KDM5A: variants seen among roughly 807,000 people sequenced by gnomAD.
The protein encoded by KDM5A is lysine-specific demethylase 5A.
Under a neutral mutation model 193.5 loss-of-function variants are expected in KDM5A, and 42 were observed. That is an observed-to-expected ratio of 0.22 (90% CI 0.17 to 0.28). KDM5A has a LOEUF of 0.28. Among genes scored for constraint, KDM5A ranks in the 10% least tolerant of loss-of-function variants. The probability of loss-of-function intolerance (pLI) is 1.00; values close to 1 mark genes in which losing one functional copy is unlikely to be tolerated. For synonymous variants in KDM5A, 796 were observed against 718.1 expected (o/e 1.11, Z -1.73); for missense variants, 1,692 against 2,055.1 (o/e 0.82, Z 3.42).
At chr12:296,213 C>T (rs922387793) in intron 25 of KDM5A, among the ~76,000 whole-genome samples, 6 of 150,828 alleles carry the variant, frequency 4.0e-5, no homozygotes, top group African/African-American at 9.8e-5. Context: ...CCCAGCTACT[C>T]GGGAGGCTGA....
intron 27 of KDM5A, among the ~76,000 whole-genome samples, chr12:289,135 A>C (rs1435757501): frequency 6.6e-6 from 1 of 152,204 alleles, no homozygotes; most frequent in African/African-American, 2.4e-5. Context: ...TGGAAGTAGG[A>C]ATGGGTAAAG....
chr12:381,816 G>T (rs1337459277), intron 3 of KDM5A, among the ~76,000 whole-genome samples: 1 of 151,706 alleles, frequency 6.6e-6, no homozygotes, highest in Non-Finnish European at 1.5e-5. Flanking sequence ...TGGTTACTCT[G>T]TTTTTTTGGA....
intron 9 of KDM5A, among the ~76,000 whole-genome samples, chr12:350,984 T>C (rs780988678): frequency 2.6e-5 from 4 of 152,130 alleles, no homozygotes; most frequent in Non-Finnish European, 5.9e-5. Context: ...AAAAACATAA[T>C]GAACTGTGCT....
At chr12:315,293 G>C (rs945477149) in intron 19 of KDM5A, among the ~76,000 whole-genome samples, 9 of 152,202 alleles carry the variant, frequency 5.9e-5, no homozygotes, top group African/African-American at 1.9e-4. Flanking sequence ...AGGGTAAAAG[G>C]CTGGGCACAG....
chr12:309,822 G>A lies in KDM5A; in HGVS notation c.3359C>T (p.Thr1120Ile), dbSNP rs267603435. Residue 1120 changes from threonine (T) to isoleucine (I), a missense_variant, in exon 22 of 28, where the codon ACC (threonine) becomes ATC (isoleucine). Thr to Ile is a moderately conservative substitution (Grantham distance 89). This residue lies in a region of KDM5A where 965 missense variants were observed against 1,061.0 expected (regional missense o/e 0.91). Transcript: ENST00000399788. ...LSDLEEGLEE[T>I]RDTAMVVAVF... ...TCTTACCACCATGGCTGTATCTCTG[G>A]TTTCCTCCAATCCTTCCTCCAGATC... 3.7e-6 allele frequency: 6 copies of A among 1,613,956 alleles called. No individual in the cohort carries two copies. Among genetic ancestry groups the A allele is most frequent in the Non-Finnish European group, 4.2e-6 (5 of 1,180,012 alleles).
intron 10 of KDM5A, among the ~76,000 whole-genome samples, chr12:343,112 G>A (rs193078801): frequency 6.6e-6 from 1 of 152,334 alleles, no homozygotes; most frequent in African/African-American, 2.4e-5. Flanking sequence ...TGGCAGACAA[G>A]GTGATTCTCT....
rs1420922001 is a variant in KDM5A, at chr12:350,709, A to G, written c.1220T>C (p.Val407Ala). 2 of 1,614,028 alleles carry G rather than the reference A, an allele frequency of 1.2e-6. No homozygotes were observed. Among genetic ancestry groups the G allele is most frequent in the Non-Finnish European group, 1.7e-6 (2 of 1,179,950 alleles). Residue 407 changes from valine (V) to alanine (A), a missense_variant, in exon 10 of 28, where the codon GTG becomes GCG. Around this residue, in one of 11 missense-constraint regions of KDM5A, gnomAD observed 172 missense variants for 260.3 expected, o/e 0.66. Transcript: ENST00000399788. ...TGAGGAGATATCTGCTCCATATTCC[A>G]CAATAACATCTTCTTCAATGCTGCT... ...LVSSIEEDVI[V>A]EYGADISSKD...
intron 5 of KDM5A, among the ~76,000 whole-genome samples, chr12:357,827 CAAAAA>C (rs61577928): frequency 9.7e-4 from 29 of 29,866 alleles, no homozygotes; most frequent in African/African-American, 3.8e-3. Flanking sequence ...GACTCAGTCT[CAAAAA>C]AAAAAAAAAA....
At chr12:372,993 C>T (rs151213767) in intron 3 of KDM5A, among the ~76,000 whole-genome samples, 5,852 of 152,232 alleles carry the variant, frequency 0.038, 152 homozygotes, top group Non-Finnish European at 0.055. Context: ...ATTTGGTTTG[C>T]CAGTATTTTA....
At chr12:334,871 C>G (rs142493465) in intron 10 of KDM5A, among the ~76,000 whole-genome samples, 4 of 152,142 alleles carry the variant, frequency 2.6e-5, no homozygotes, top group African/African-American at 9.7e-5. Flanking sequence ...TGACATGATG[C>G]AGAAAGTCAC....
At chr12:331,705 T>C in intron 13 of KDM5A, 114 bp downstream of exon 13, 3 of 1,156,100 alleles carry the variant, frequency 2.6e-6, no homozygotes, top group African/African-American at 1.5e-5. Context: ...CAGTCTCCAC[T>C]AAAATACTGA....
rs201777598 is a variant in KDM5A at position 322,426 on chromosome 12, T to C, written c.2417A>G (p.Gln806Arg). 172 of 1,612,368 alleles carry C rather than the reference T, an allele frequency of 1.1e-4. 1 individual carries two copies. In the Middle Eastern group the frequency reaches 1.2e-3, roughly 11 times the overall value. Residue 806 changes from glutamine (Q) to arginine (R), a missense_variant, in exon 17 of 28, where the codon CAG (glutamine) becomes CGG (arginine). Coordinates refer to ENST00000399788, the MANE Select transcript of KDM5A (RefSeq NM_001042603.3). ...SVAQLLLSKK[Q>R]KHRQSPDSGR... ...CTCTTCTTAGGTTTACCTGTGTTTC[T>C]GCTTTTTGCTCAGAAGCAGCTGAGC... is the stretch of plus-strand genomic sequence containing the variant.
At chr12:376,535 G>C (rs1944506617) in intron 3 of KDM5A, among the ~76,000 whole-genome samples, 1 of 152,216 alleles carries the variant, frequency 6.6e-6, no homozygotes, top group Admixed American at 6.5e-5. Context: ...TCCCAGGTGA[G>C]ACGATGCCTC....
intron 18 of KDM5A, among the ~76,000 whole-genome samples, chr12:319,397 C>T (rs1943689018): frequency 6.6e-6 from 1 of 152,136 alleles, no homozygotes; most frequent in Non-Finnish European, 1.5e-5. Context: ...TAGCAGCCAG[C>T]ACTTGTTTAA....
chr12:317,571 A>C (rs1943664436), intron 19 of KDM5A, among the ~76,000 whole-genome samples: 1 of 152,256 alleles, frequency 6.6e-6, no homozygotes, highest in South Asian at 2.1e-4. Context: ...TAGTTTGCAC[A>C]TATTTGAAAC....
chr12:350,592 G>T, intron 10 of KDM5A, 29 bp downstream of exon 10: 1 of 1,612,990 alleles, frequency 6.2e-7, no homozygotes. Flanking sequence ...TCAGCTTGGG[G>T]GTAAGCAAAA....
At position 379,230 on chromosome 12, in the gene KDM5A, T is replaced by A. The variant is rs539602110; in HGVS notation, c.366+4801A>T. On this transcript the variant is annotated intron_variant, in intron 3 of 27. Transcript: ENST00000399788. ...TGTCAGCCAAAAATAATCTTTTTTT[T>A]AAAAAAGGGCACACCTAACCTTAAA... Among the ~76,000 whole-genome samples, 49 of 152,178 alleles carry A rather than the reference T, an allele frequency of 3.2e-4. 1 individual carries two copies. The highest frequency in any genetic ancestry group is 7.9e-4 in the Admixed American group (12 of 15,274).
chr12:370,303 G>C (rs771801415), intron 3 of KDM5A, among the ~76,000 whole-genome samples: 3 of 152,302 alleles, frequency 2.0e-5, no homozygotes, highest in Middle Eastern at 3.4e-3. Flanking sequence ...TGAGGCAGGA[G>C]AATCACTTGA....
At chr12:377,034 G>T (rs199872195) in intron 3 of KDM5A, among the ~76,000 whole-genome samples, 8 of 148,216 alleles carry the variant, frequency 5.4e-5, no homozygotes, top group Non-Finnish European at 7.5e-5. Context: ...CTAAAACAAG[G>T]AAAAAAAAAA....
Sources: allele counts gnomAD v4.1 joint callset (sites outside exome capture counted in the v4.1 genomes callset), GRCh38; gene constraint gnomAD v4.1.1; regional missense constraint gnomAD v4.1.1; transcripts MANE v1.5; gene names NCBI Gene and HGNC (gene_info 2026-07-23, HGNC 2026-07-21).